The following CNTLN variants were observed in gnomAD, a reference collection of about 807,000 sequenced individuals.
The protein encoded by CNTLN is centlein, also known as centlein, centrosomal protein.
Under a neutral mutation model 180.0 loss-of-function variants are expected in CNTLN, and 212 were observed. The ratio of observed to expected loss-of-function variants is 1.18; its 90% confidence interval spans 1.05 to 1.32. CNTLN has a LOEUF of 1.32. CNTLN is among the 40% of genes most tolerant of loss of function. The pLI is 0.00. For missense variants in CNTLN, 2,095 were observed against 1,610.9 expected, an observed-to-expected ratio of 1.30 and a Z score of -5.14; for synonymous variants, 722 against 563.1, an observed-to-expected ratio of 1.28 and a Z score of -3.99.
intron 3 of CNTLN, among the ~76,000 whole-genome samples, chr9:17,230,335 CTTTG>C (rs1414328064): frequency 1.3e-5 from 2 of 152,066 alleles, no homozygotes; most frequent in Non-Finnish European, 2.9e-5. Context: ...ATTTAAACTG[CTTTG>C]TTTGGTCAAA....
At chr9:17,177,568 G>A (rs377716742) in intron 2 of CNTLN, among the ~76,000 whole-genome samples, 34 of 152,092 alleles carry the variant, frequency 2.2e-4, no homozygotes, top group East Asian at 3.9e-4. Context: ...TCTGATGGTC[G>A]GATATGTTCG....
At chr9:17,337,042 G>A (rs544346411) in intron 10 of CNTLN, among the ~76,000 whole-genome samples, 1 of 152,068 alleles carries the variant, frequency 6.6e-6, no homozygotes, top group African/African-American at 2.4e-5. Context: ...TTGTGGTTTT[G>A]ATTTCCATAA....
At chr9:17,164,145 C>T (rs13284383) in intron 2 of CNTLN, among the ~76,000 whole-genome samples, 6 of 151,814 alleles carry the variant, frequency 4.0e-5, no homozygotes, top group Non-Finnish European at 8.8e-5. Flanking sequence ...AAACCCATCT[C>T]TACTAAAAAT....
intron 9 of CNTLN, among the ~76,000 whole-genome samples, chr9:17,331,636 C>G (rs1820650932): frequency 6.6e-6 from 1 of 151,790 alleles, no homozygotes; most frequent in East Asian, 1.9e-4. Flanking sequence ...GACAAACTAT[C>G]TTAATAAAGG....
chr9:17,307,012 C>T (rs111813481), intron 7 of CNTLN, among the ~76,000 whole-genome samples: 41 of 152,236 alleles, frequency 2.7e-4, no homozygotes, highest in African/African-American at 7.2e-4. Flanking sequence ...CAAGTAGGCA[C>T]GCTGAACTCT....
At chr9:17,219,883 C>T (rs913276608) in intron 2 of CNTLN, among the ~76,000 whole-genome samples, 2 of 152,072 alleles carry the variant, frequency 1.3e-5, no homozygotes, top group African/African-American at 2.4e-5. Flanking sequence ...CATATGACAC[C>T]GAGAGATCTT....
chr9:17,381,519 G>T (rs947501824), intron 13 of CNTLN, among the ~76,000 whole-genome samples: 11 of 152,148 alleles, frequency 7.2e-5, no homozygotes, highest in African/African-American at 2.7e-4. Context: ...CATAACATGG[G>T]TTACCATTTT....
intron 2 of CNTLN, among the ~76,000 whole-genome samples, chr9:17,187,280 CT>C (rs1302851310): frequency 6.6e-6 from 1 of 152,012 alleles, no homozygotes; most frequent in Non-Finnish European, 1.5e-5. Flanking sequence ...AAATGTCAAA[CT>C]CTTTTGTAAG....
At chr9:17,338,337 G>GGTTTTTTTTT (rs369684809) in intron 10 of CNTLN, among the ~76,000 whole-genome samples, 3 of 100,436 alleles carry the variant, frequency 3.0e-5, no homozygotes, top group African/African-American at 1.2e-4. Flanking sequence ...GCTAATTTTT[G>GGTTTTTTTTT]TTTTTTTTTT....
intron 18 of CNTLN, among the ~76,000 whole-genome samples, chr9:17,440,216 G>A (rs569898886): frequency 4.6e-5 from 7 of 151,994 alleles, no homozygotes; most frequent in East Asian, 1.9e-4. Context: ...ACAGATCCTC[G>A]CAAAGTGAAA....
intron 6 of CNTLN, among the ~76,000 whole-genome samples, chr9:17,278,897 G>C (rs1188637911): frequency 6.6e-6 from 1 of 151,968 alleles, no homozygotes; most frequent in African/African-American, 2.4e-5. Flanking sequence ...TTAAATAAAA[G>C]GGACTATATT....
Position 17,135,329 on chromosome 9 carries a change from G to C in CNTLN, c.264G>C (p.Arg88=). ...PLLSAPMGSR[R]LEGISVEEAM... ...TCAGCGCGCCCATGGGGTCCAGACGGCTAGAGGGCATCTCGGTAGAGGAGG... is the reference window on the plus strand; with the variant it reads ...TCAGCGCGCCCATGGGGTCCAGACGCCTAGAGGGCATCTCGGTAGAGGAGG... The change falls in exon 1 of 26, where the codon CGG becomes CGC. Residue 88 remains arginine (R), a synonymous_variant. Coordinates refer to ENST00000380647, the MANE Select transcript of CNTLN (RefSeq NM_017738.4). The C allele has an allele frequency of 6.2e-7, 1 of 1,602,536 alleles. No homozygotes were observed.
At chr9:17,326,500 G>A (rs1820299879) in intron 8 of CNTLN, among the ~76,000 whole-genome samples, 3 of 151,912 alleles carry the variant, frequency 2.0e-5, no homozygotes, top group Admixed American at 6.6e-5. Context: ...TGATATACAT[G>A]TATATCATAT....
intron 10 of CNTLN, among the ~76,000 whole-genome samples, chr9:17,334,914 A>T (rs1251770470): frequency 2.6e-4 from 40 of 151,630 alleles, no homozygotes; most frequent in Non-Finnish European, 4.3e-4. Flanking sequence ...TAAAATTAAA[A>T]AAAAAAAAAA....
At chr9:17,149,607 T>G (rs1818712225) in intron 2 of CNTLN, among the ~76,000 whole-genome samples, 1 of 144,506 alleles carries the variant, frequency 6.9e-6, no homozygotes, top group African/African-American at 2.6e-5. Flanking sequence ...AAGCTCTGCC[T>G]CCCGGGTTCA....
At chr9:17,248,614 AATC>A (rs1452226700) in intron 5 of CNTLN, among the ~76,000 whole-genome samples, 1 of 149,198 alleles carries the variant, frequency 6.7e-6, no homozygotes, top group Non-Finnish European at 1.5e-5. Context: ...CACTATAAAA[AATC>A]AACTAAGAAA....
chr9:17,364,743 T>C (rs1188318138), intron 12 of CNTLN, among the ~76,000 whole-genome samples: 1 of 152,210 alleles, frequency 6.6e-6, no homozygotes, highest in African/African-American at 2.4e-5. Flanking sequence ...ATTTTCTTAG[T>C]TGTGGAAGCC....
chr9:17,477,861 A>T (rs568150503), intron 23 of CNTLN, among the ~76,000 whole-genome samples: 1 of 152,290 alleles, frequency 6.6e-6, no homozygotes, highest in South Asian at 2.1e-4. Context: ...GAGAGGATTG[A>T]CTCCAGTTTT....
intron 5 of CNTLN, among the ~76,000 whole-genome samples, chr9:17,257,042 T>G (rs555293786): frequency 3.9e-4 from 60 of 152,100 alleles, no homozygotes; most frequent in African/African-American, 1.2e-3. Flanking sequence ...TAGTTACATA[T>G]GTATACATGT....
Sources: allele counts gnomAD v4.1 joint callset (sites outside exome capture counted in the v4.1 genomes callset), GRCh38; gene constraint gnomAD v4.1.1; transcripts MANE v1.5; gene names NCBI Gene and HGNC (gene_info 2026-07-23, HGNC 2026-07-21).